PAX5: variants seen among roughly 807,000 people sequenced by gnomAD.
PAX5 encodes the protein paired box protein Pax-5.
In PAX5, 9 loss-of-function variants were observed where a neutral mutation model predicts 43.7. That is an observed-to-expected ratio of 0.21 (90% CI 0.12 to 0.36). PAX5 has a LOEUF of 0.36. Ranked by LOEUF, PAX5 falls within the 10% of genes least tolerant of loss-of-function variation. PAX5 has a pLI of 1.00. For missense variants in PAX5, 383 were observed against 532.7 expected (o/e 0.72, Z 2.77); for synonymous variants, 228 against 214.3 (o/e 1.06, Z -0.56).
At chr9:36,955,776 A>ATATATATATAT (rs1011804806) in intron 6 of PAX5, among the ~76,000 whole-genome samples, 1 of 73,762 alleles carries the variant, frequency 1.4e-5, no homozygotes, top group African/African-American at 3.7e-5. Context: ...GTTTCAAAAA[A>ATATATATATAT]AAAAAAATAT....
intron 8 of PAX5, among the ~76,000 whole-genome samples, chr9:36,850,724 G>A (rs1399590215): frequency 6.6e-6 from 1 of 152,210 alleles, no homozygotes; most frequent in East Asian, 1.9e-4. Flanking sequence ...AGTGGGCAGT[G>A]AGACCCGCCT....
chr9:36,937,704 ATCCTGGCTGAAGAATGACC>A (rs1485018362), intron 6 of PAX5, among the ~76,000 whole-genome samples: 1 of 152,024 alleles, frequency 6.6e-6, no homozygotes, highest in Non-Finnish European at 1.5e-5. Flanking sequence ...ACCCCTTCAA[ATCCTGGCTGAAGAATGACC>A]TCCTATAGAA....
intron 6 of PAX5, among the ~76,000 whole-genome samples, chr9:36,942,121 GA>G (rs1367592237): frequency 1.3e-5 from 2 of 152,182 alleles, no homozygotes; most frequent in African/African-American, 4.8e-5. Flanking sequence ...GCGTGTCCAG[GA>G]GCCTGACCCT....
At chr9:36,935,502 TCAGGCACACCCCCAGA>T (rs1457456933) in intron 6 of PAX5, among the ~76,000 whole-genome samples, 2 of 152,118 alleles carry the variant, frequency 1.3e-5, no homozygotes, top group African/African-American at 2.4e-5. Context: ...CAGGCCCCCC[TCAGGCACACCCCCAGA>T]CAGGTTCCCA....
chr9:36,871,074 G>A (rs948635946), intron 8 of PAX5, among the ~76,000 whole-genome samples: 2 of 152,190 alleles, frequency 1.3e-5, no homozygotes, highest in Admixed American at 1.3e-4. Flanking sequence ...AGAGGGAATT[G>A]CCACCTGCCC....
At position 36,980,209 on chromosome 9, in the gene PAX5, G is replaced by A. The variant is rs550067266; in HGVS notation, c.605-13485C>T. Among the ~76,000 whole-genome samples the A allele has an allele frequency of 2.6e-3, 400 of 152,358 alleles. 1 individual carries two copies. The highest frequency in any genetic ancestry group is 6.8e-3 in the Middle Eastern group (2 of 294). On this transcript the variant is annotated intron_variant, in intron 5 of 9. Transcript: ENST00000358127. ...TGGCTGCCTGAGGGAGGTGGCTCTT[G>A]GAGGCACAAGGCTGAGCCCAGCATG...
rs944474523 is a variant in PAX5, at chr9:37,002,644, T to C, written c.604+4A>G. On this transcript the variant is annotated splice_donor_region_variant and intron_variant, in intron 5 of 9. Coordinates refer to ENST00000358127, the MANE Select transcript of PAX5 (RefSeq NM_016734.3). ...CCCGACGGGGCTGCGCGGGCCTCTCTTACCTTCGTCTCTCTTGCGCTTGTT... is the reference window on the plus strand; with the variant it reads ...CCCGACGGGGCTGCGCGGGCCTCTCCTACCTTCGTCTCTCTTGCGCTTGTT... 1 of 1,610,996 alleles carries C rather than the reference T, an allele frequency of 6.2e-7. No individual in the cohort carries two copies. The highest frequency in any genetic ancestry group is 8.5e-7 in the Non-Finnish European group (1 of 1,178,634).
At chr9:36,994,587 G>C (rs1047302938) in intron 5 of PAX5, among the ~76,000 whole-genome samples, 1 of 152,190 alleles carries the variant, frequency 6.6e-6, no homozygotes, top group South Asian at 2.1e-4. Flanking sequence ...GAGCCAAACT[G>C]GTTTCTTTAG....
At chr9:36,984,220 T>C (rs1416796729) in intron 5 of PAX5, among the ~76,000 whole-genome samples, 2 of 152,052 alleles carry the variant, frequency 1.3e-5, no homozygotes, top group Admixed American at 6.6e-5. Flanking sequence ...CCTGAAAACA[T>C]GCAGAATGCA....
chr9:36,872,829 C>T (rs768176365), intron 8 of PAX5, among the ~76,000 whole-genome samples: 2 of 152,228 alleles, frequency 1.3e-5, no homozygotes, highest in Non-Finnish European at 2.9e-5. Context: ...CTGGGCAGAG[C>T]CTGCCCTCTG....
chr9:36,957,728 T>G (rs966847936), intron 6 of PAX5, among the ~76,000 whole-genome samples: 5 of 152,196 alleles, frequency 3.3e-5, no homozygotes, highest in African/African-American at 1.2e-4. Context: ...TGGGAAGTCC[T>G]GAACAAAAGC....
At chr9:36,923,043 G>T in intron 7 of PAX5, 1 of 321,754 alleles carries the variant, frequency 3.1e-6, no homozygotes. Flanking sequence ...TAAACCCTAG[G>T]CCTCTGAACA....
intron 8 of PAX5, among the ~76,000 whole-genome samples, chr9:36,854,674 C>T (rs1823486050): frequency 6.6e-6 from 1 of 152,164 alleles, no homozygotes; most frequent in Admixed American, 6.5e-5. Context: ...ACAGCAAGAC[C>T]TTCCTGGGCT....
At position 37,034,128 on chromosome 9, in the gene PAX5, G is replaced by C; in HGVS notation, c.-97C>G. 1 of 419,784 alleles carries C rather than the reference G, an allele frequency of 2.4e-6. No individual in the cohort carries two copies. Among genetic ancestry groups the C allele is most frequent in the Non-Finnish European group, 3.6e-6 (1 of 277,846 alleles). 26.0% of individuals were successfully genotyped at this position (419,784 alleles called of 1,614,324 possible). On this transcript the variant is annotated 5_prime_UTR_variant, in exon 1 of 10. Transcript: ENST00000358127. ...TTTTTTTTTTTTTTTTTTTTTTTTG[G>C]TGCCAGGGGCCGCTCACAGGTCGGA...
chr9:37,033,981 C>G lies in PAX5; in HGVS notation c.46+5G>C, dbSNP rs773387615. 1 of 1,611,706 alleles carries G rather than the reference C, an allele frequency of 6.2e-7. No homozygotes were observed. Among genetic ancestry groups the G allele is most frequent in the Non-Finnish European group, 8.5e-7 (1 of 1,179,580 alleles). ...GCACATCTGGAGCCCGTATCGCGGTCCTACCTGTCCTGCTGGTCCGAGGAG... is the reference window on the plus strand; with the variant it reads ...GCACATCTGGAGCCCGTATCGCGGTGCTACCTGTCCTGCTGGTCCGAGGAG... On this transcript the variant is annotated splice_donor_5th_base_variant and intron_variant, in intron 1 of 9. Coordinates refer to ENST00000358127, the MANE Select transcript of PAX5 (RefSeq NM_016734.3).
chr9:36,852,610 G>A (rs905655919), intron 8 of PAX5, among the ~76,000 whole-genome samples: 7 of 152,364 alleles, frequency 4.6e-5, no homozygotes, highest in East Asian at 1.9e-4. Context: ...AGAGGAGCCC[G>A]GGCTGGGGCA....
intron 1 of PAX5, 38 bp downstream of exon 1, chr9:37,033,948 C>T: frequency 1.2e-6 from 2 of 1,606,858 alleles, no homozygotes; most frequent in South Asian, 2.2e-5. Context: ...GGCCGTGTCC[C>T]GGAGTTTGCA....
intron 8 of PAX5, among the ~76,000 whole-genome samples, chr9:36,871,210 C>T (rs1173797977): frequency 2.0e-5 from 3 of 152,254 alleles, no homozygotes; most frequent in African/African-American, 7.2e-5. Context: ...ATGGCTTCTG[C>T]TGCCACTCCG....
rs1821522981 is a variant in PAX5 at position 36,834,746 on chromosome 9, TG to T, written c.*5813del. On this transcript the variant is annotated 3_prime_UTR_variant, in exon 10 of 10. Transcript: ENST00000358127. ...CAAAAATCCATCATCCAAAATCACT[TG>T]TTCTTAATGATGCTTTTGGAGAAGA... The T allele has an allele frequency of 4.3e-6, 1 of 232,308 alleles. No individual in the cohort carries two copies. The highest frequency in any genetic ancestry group is 8.5e-6 in the Non-Finnish European group (1 of 117,870). The allele number at this position is 232,308 out of a possible 1,614,324, so 14.4% of individuals were successfully genotyped here.
Sources: allele counts gnomAD v4.1 joint callset (sites outside exome capture counted in the v4.1 genomes callset), GRCh38; gene constraint gnomAD v4.1.1; transcripts MANE v1.5; gene names NCBI Gene and HGNC (gene_info 2026-07-23, HGNC 2026-07-21).